MDGA2: variants seen among roughly 807,000 people sequenced by gnomAD.
MDGA2 encodes the protein MAM domain containing glycosylphosphatidylinositol anchor 2, also known as MAM domain-containing glycosylphosphatidylinositol anchor protein 2.
A neutral mutation model predicts 117.8 loss-of-function variants in MDGA2; 40 were observed. That is an observed-to-expected ratio of 0.34 (90% CI 0.26 to 0.44). The LOEUF is 0.44. Ranked by LOEUF, MDGA2 falls within the 20% of genes least tolerant of loss-of-function variation. The pLI, the probability that MDGA2 is intolerant of heterozygous loss-of-function variation, is 1.00. For missense variants in MDGA2, 1,123 were observed against 1,250.6 expected (o/e 0.90, Z 1.54); for synonymous variants, 452 against 439.0 (o/e 1.03, Z -0.37).
intron 12 of MDGA2, among the ~76,000 whole-genome samples, chr14:46,875,742 G>T (rs1425529048): frequency 6.6e-6 from 1 of 151,468 alleles, no homozygotes; most frequent in Non-Finnish European, 1.5e-5. Flanking sequence ...TACCATAAAG[G>T]CAATGTTTGA....
chr14:46,988,762 T>C (rs1333896938), intron 8 of MDGA2, among the ~76,000 whole-genome samples: 1 of 152,050 alleles, frequency 6.6e-6, no homozygotes, highest in Non-Finnish European at 1.5e-5. Context: ...GAAATTTGTG[T>C]TCTATAATGA....
At chr14:47,345,247 A>T (rs1445980701) in intron 1 of MDGA2, among the ~76,000 whole-genome samples, 1 of 152,110 alleles carries the variant, frequency 6.6e-6, no homozygotes, top group Non-Finnish European at 1.5e-5. Flanking sequence ...CTTCGATTTT[A>T]TCCAATCTGG....
intron 10 of MDGA2, among the ~76,000 whole-genome samples, chr14:46,908,560 G>A (rs1328971975): frequency 6.6e-6 from 1 of 152,120 alleles, no homozygotes; most frequent in African/African-American, 2.4e-5. Flanking sequence ...TTCGTCAAGA[G>A]TTTGCTGTGC....
At chr14:47,113,778 T>C (rs1041114069) in intron 5 of MDGA2, among the ~76,000 whole-genome samples, 4 of 152,162 alleles carry the variant, frequency 2.6e-5, no homozygotes, top group African/African-American at 9.7e-5. Flanking sequence ...GAGCCATTTA[T>C]GAAAAACTCA....
chr14:47,040,931 T>TGAGA (rs1038225205), intron 7 of MDGA2, among the ~76,000 whole-genome samples: 8 of 151,918 alleles, frequency 5.3e-5, no homozygotes, highest in African/African-American at 1.9e-4. Flanking sequence ...GTGAAACAAT[T>TGAGA]GAGAAAGAAA....
At chr14:46,892,970 G>A (rs971867214) in intron 10 of MDGA2, among the ~76,000 whole-genome samples, 3 of 151,636 alleles carry the variant, frequency 2.0e-5, no homozygotes, top group Admixed American at 1.3e-4. Flanking sequence ...GTTAAACATC[G>A]AACTACCATA....
At chr14:47,307,856 A>G (rs1033504788) in intron 1 of MDGA2, among the ~76,000 whole-genome samples, 1 of 152,158 alleles carries the variant, frequency 6.6e-6, no homozygotes, top group Non-Finnish European at 1.5e-5. Context: ...GGAGAGTTCT[A>G]TAGGAGAGCA....
chr14:47,597,845 TACACACACACAC>T lies in MDGA2; in HGVS notation c.280+76660_280+76671del, dbSNP rs35221587. 5.6e-3 allele frequency among the ~76,000 whole-genome samples: 786 copies of T among 141,370 alleles called. 6 individuals carry two copies. Among genetic ancestry groups the T allele is most frequent in the African/African-American group, 0.018 (676 of 37,974 alleles). 92.7% of individuals were successfully genotyped at this position (141,370 alleles called of 152,430 possible). ...CACAGAGACGCACACCACACACACA[TACACACACACAC>T]ACACACACACACACACACACACACA... On this transcript the variant is annotated intron_variant, in intron 1 of 16. Coordinates refer to ENST00000399232, the MANE Select transcript of MDGA2 (RefSeq NM_001113498.3).
Position 47,335,745 on chromosome 14 carries a change from T to TATATATATATATATACACATAC in MDGA2, c.281-34196_281-34195insGTATGTGTATATATATATATAT. ...TGCACACATATATTTTATATATATATATACATACATACATACAGGATCACT... is the reference window on the plus strand; with the variant it reads ...TGCACACATATATTTTATATATATATATATATATATATATACACATACATACATACATACATACAGGATCACT... On this transcript the variant is annotated intron_variant, in intron 1 of 16. Coordinates refer to ENST00000399232, the MANE Select transcript of MDGA2 (RefSeq NM_001113498.3). 5.1e-4 allele frequency among the ~76,000 whole-genome samples: 49 copies of TATATATATATATATACACATAC among 95,146 alleles called. 2 individuals are homozygous for TATATATATATATATACACATAC. Among genetic ancestry groups the TATATATATATATATACACATAC allele is most frequent in the East Asian group, 5.1e-3 (7 of 1,370 alleles). The allele number at this position is 95,146 out of a possible 152,430, so 62.4% of individuals were successfully genotyped here.
chr14:46,925,998 C>G (rs1173014957), intron 9 of MDGA2, among the ~76,000 whole-genome samples: 1 of 152,160 alleles, frequency 6.6e-6, no homozygotes. Context: ...CTGTGCACTT[C>G]TCAAGAACAG....
chr14:47,366,627 A>G (rs907874136), intron 1 of MDGA2, among the ~76,000 whole-genome samples: 2 of 152,074 alleles, frequency 1.3e-5, no homozygotes, highest in African/African-American at 2.4e-5. Context: ...TTCGTCTGTT[A>G]CAAAAAATAT....
rs66690712 is a variant in MDGA2, at chr14:46,841,607, C to CTTTTTTTTTTTTTTTTTT, written c.*323_*324insAAAAAAAAAAAAAAAAAA. 1 of 146,480 alleles carries CTTTTTTTTTTTTTTTTTT rather than the reference C, an allele frequency of 6.8e-6. No homozygotes were observed. Among genetic ancestry groups the CTTTTTTTTTTTTTTTTTT allele is most frequent in the Non-Finnish European group, 1.4e-5 (1 of 69,410 alleles). 9.1% of individuals were successfully genotyped at this position (146,480 alleles called of 1,614,324 possible). On this transcript the variant is annotated 3_prime_UTR_variant, in exon 17 of 17. Transcript: ENST00000399232. ...TGCTTTGACAAGGATTTCTATAGCTCTTTTTTTTTTCTTTTTTTCATTTTT... is the reference window on the plus strand; with the variant it reads ...TGCTTTGACAAGGATTTCTATAGCTCTTTTTTTTTTTTTTTTTTTTTTTTTTTTCTTTTTTTCATTTTT...
chr14:46,950,205 T>C (rs900355110), intron 9 of MDGA2, among the ~76,000 whole-genome samples: 1 of 151,966 alleles, frequency 6.6e-6, no homozygotes, highest in African/African-American at 2.4e-5. Flanking sequence ...TACTTACATT[T>C]TTATTCCTAA....
chr14:47,316,254 C>A (rs2139858887), intron 1 of MDGA2, among the ~76,000 whole-genome samples: 1 of 152,076 alleles, frequency 6.6e-6, no homozygotes, highest in South Asian at 2.1e-4. Context: ...ATGTATGGAG[C>A]AAACATGTGA....
intron 2 of MDGA2, among the ~76,000 whole-genome samples, chr14:47,257,680 AT>A (rs1204307375): frequency 2.6e-5 from 4 of 152,250 alleles, no homozygotes; most frequent in African/African-American, 7.2e-5. Flanking sequence ...ACATAATTTG[AT>A]TAGTGAATCA....
At chr14:46,919,985 A>T in intron 10 of MDGA2, 27 bp downstream of exon 10, 1 of 1,552,616 alleles carries the variant, frequency 6.4e-7, no homozygotes, top group Non-Finnish European at 8.7e-7. Context: ...ACCACAAAGA[A>T]AAAAGGACAT....
At chr14:47,119,945 C>T (rs922733373) in intron 5 of MDGA2, among the ~76,000 whole-genome samples, 2 of 152,118 alleles carry the variant, frequency 1.3e-5, no homozygotes, top group Non-Finnish European at 1.5e-5. Context: ...TTCTCATCTA[C>T]TGTTACTTGT....
chr14:46,980,731 A>T (rs1332010670), intron 8 of MDGA2, among the ~76,000 whole-genome samples: 2 of 152,220 alleles, frequency 1.3e-5, no homozygotes, highest in Non-Finnish European at 2.9e-5. Context: ...ACCCTCCACC[A>T]GCAAAAATAC....
At chr14:47,609,451 A>ATATATATATATATATACATAAGT (rs1896805319) in intron 1 of MDGA2, among the ~76,000 whole-genome samples, 1 of 100,288 alleles carries the variant, frequency 1.0e-5, no homozygotes, top group Non-Finnish European at 2.0e-5. Context: ...ATATATATAT[A>ATATATATATATATATACATAAGT]TATATATATA....
Sources: allele counts gnomAD v4.1 joint callset (sites outside exome capture counted in the v4.1 genomes callset), GRCh38; gene constraint gnomAD v4.1.1; transcripts MANE v1.5; gene names NCBI Gene and HGNC (gene_info 2026-07-23, HGNC 2026-07-21).